Variants in GRID1 observed in about 807,000 individuals in gnomAD.
GRID1 encodes glutamate ionotropic receptor delta type subunit 1.
Under a neutral mutation model 98.0 loss-of-function variants are expected in GRID1, and 28 were observed. The ratio of observed to expected loss-of-function variants is 0.29; its 90% CI spans 0.21 to 0.39. The LOEUF (loss-of-function observed/expected upper bound fraction) is 0.39, where lower values mean the gene tolerates loss of function less well. Among genes scored for constraint, GRID1 ranks in the 10% least tolerant of loss-of-function variants. The pLI is 1.00. For synonymous variants in GRID1, 553 were observed against 538.5 expected (o/e 1.03, Z -0.37); for missense variants, 1,111 against 1,340.5 (o/e 0.83, Z 2.67).
At chr10:85,685,649 T>A (rs1010822154) in intron 12 of GRID1, among the ~76,000 whole-genome samples, 3 of 152,108 alleles carry the variant, frequency 2.0e-5, no homozygotes, top group Non-Finnish European at 4.4e-5. Flanking sequence ...TTACATAGAT[T>A]TACTAGGAAG....
At chr10:86,073,900 C>T (rs572761686) in intron 4 of GRID1, among the ~76,000 whole-genome samples, 33 of 152,212 alleles carry the variant, frequency 2.2e-4, no homozygotes, top group East Asian at 5.8e-4. Flanking sequence ...AGCAGACAGG[C>T]GCTCTGGTTT....
chr10:86,211,828 G>A (rs1459728394), intron 2 of GRID1, among the ~76,000 whole-genome samples: 2 of 152,228 alleles, frequency 1.3e-5, no homozygotes, highest in African/African-American at 2.4e-5. Context: ...GCTGCAAAGA[G>A]AAAGTGGCCA....
chr10:85,644,970 G>A (rs1843166792), intron 13 of GRID1, among the ~76,000 whole-genome samples: 1 of 152,172 alleles, frequency 6.6e-6, no homozygotes, highest in African/African-American at 2.4e-5. Flanking sequence ...GAAGGCCTGT[G>A]CAAGCCTCTT....
At chr10:85,661,972 T>C (rs1183907768) in intron 12 of GRID1, among the ~76,000 whole-genome samples, 1 of 152,320 alleles carries the variant, frequency 6.6e-6, no homozygotes, top group East Asian at 1.9e-4. Context: ...TCTAGACTAC[T>C]AGGTCTGCCA....
chr10:85,835,848 T>G (rs1327539542), intron 8 of GRID1, among the ~76,000 whole-genome samples: 1 of 152,154 alleles, frequency 6.6e-6, no homozygotes. Context: ...CTGATTATAA[T>G]GGAATCAGAC....
intron 4 of GRID1, among the ~76,000 whole-genome samples, chr10:86,085,993 C>T (rs1296827584): frequency 6.6e-6 from 1 of 152,142 alleles, no homozygotes; most frequent in Non-Finnish European, 1.5e-5. Flanking sequence ...TCCTCAAGCT[C>T]ACCAAACTCT....
chr10:85,908,774 T>C (rs1165848266), intron 5 of GRID1, among the ~76,000 whole-genome samples: 1 of 152,132 alleles, frequency 6.6e-6, no homozygotes, highest in African/African-American at 2.4e-5. Flanking sequence ...CAAAATGTAA[T>C]TTCAAATCGT....
chr10:86,363,700 AC>A (rs1201216002), intron 2 of GRID1, among the ~76,000 whole-genome samples: 2 of 152,024 alleles, frequency 1.3e-5, no homozygotes, highest in African/African-American at 4.8e-5. Flanking sequence ...GCGCCACGCA[AC>A]CCGCAAGAAC....
At chr10:86,126,996 C>A (rs901163757) in intron 4 of GRID1, among the ~76,000 whole-genome samples, 1 of 152,202 alleles carries the variant, frequency 6.6e-6, no homozygotes, top group Non-Finnish European at 1.5e-5. Context: ...CTTCTCTGAC[C>A]CTTTGATTGT....
chr10:86,094,427 T>G (rs1425993984), intron 4 of GRID1, among the ~76,000 whole-genome samples: 1 of 152,186 alleles, frequency 6.6e-6, no homozygotes, highest in African/African-American at 2.4e-5. Context: ...GCTGACAATA[T>G]GATCATTTAC....
intron 3 of GRID1, among the ~76,000 whole-genome samples, chr10:86,188,744 C>A (rs1292620616): frequency 1.3e-5 from 2 of 152,186 alleles, no homozygotes; most frequent in Non-Finnish European, 2.9e-5. Flanking sequence ...AAACAGAACC[C>A]CAAATGTGCT....
intron 4 of GRID1, among the ~76,000 whole-genome samples, chr10:86,122,975 A>G (rs369503556): frequency 3.3e-5 from 5 of 152,238 alleles, no homozygotes; most frequent in Non-Finnish European, 4.4e-5. Flanking sequence ...CTTCAGAGCC[A>G]TGGCAGCAGA....
Position 85,600,401 on chromosome 10 carries a change from C to T in GRID1, c.*1872G>A, listed in dbSNP as rs1424424810. On this transcript the variant is annotated 3_prime_UTR_variant, in exon 16 of 16. Coordinates refer to ENST00000327946, the MANE Select transcript of GRID1 (RefSeq NM_017551.3). ...CTTTTAGCTGACTGTGTGATTTGGC[C>T]GTTCTTTACTGCTCAATCATGTCAC... 6.6e-6 allele frequency: 1 copy of T among 152,170 alleles called. No individual in the cohort carries two copies. The highest frequency in any genetic ancestry group is 1.5e-5 in the Non-Finnish European group (1 of 68,028). The allele number at this position is 152,170 out of a possible 1,614,324, so 9.4% of individuals were successfully genotyped here.
intron 8 of GRID1, among the ~76,000 whole-genome samples, chr10:85,790,121 C>G (rs1189229913): frequency 6.6e-6 from 1 of 152,214 alleles, no homozygotes; most frequent in Admixed American, 6.5e-5. Context: ...CTGGGTCCAC[C>G]CACCTCTCCT....
intron 4 of GRID1, among the ~76,000 whole-genome samples, chr10:85,976,032 T>A (rs372090603): frequency 6.6e-6 from 1 of 152,182 alleles, no homozygotes; most frequent in Non-Finnish European, 1.5e-5. Context: ...TACCAGCTCA[T>A]CACGGGGTGG....
At chr10:85,702,491 G>T (rs1841462958) in intron 12 of GRID1, among the ~76,000 whole-genome samples, 3 of 151,956 alleles carry the variant, frequency 2.0e-5, no homozygotes, top group Non-Finnish European at 2.9e-5. Flanking sequence ...GCAAATAAAT[G>T]GGATATAAAT....
intron 4 of GRID1, among the ~76,000 whole-genome samples, chr10:85,974,026 T>C (rs1352811343): frequency 6.6e-6 from 1 of 152,196 alleles, no homozygotes; most frequent in Non-Finnish European, 1.5e-5. Context: ...ACACGTCCCA[T>C]TCTTGGGCTC....
At chr10:85,892,735 C>A (rs1451005801) in intron 5 of GRID1, among the ~76,000 whole-genome samples, 3 of 151,900 alleles carry the variant, frequency 2.0e-5, no homozygotes, top group African/African-American at 7.3e-5. Flanking sequence ...TTCAGAGGAA[C>A]CTTTTCAGAC....
intron 4 of GRID1, among the ~76,000 whole-genome samples, chr10:85,941,394 C>T (rs150005565): frequency 2.8e-4 from 43 of 152,270 alleles, no homozygotes; most frequent in South Asian, 2.1e-4. Flanking sequence ...AGAATATATA[C>T]ATGTTGAATA....
Sources: allele counts gnomAD v4.1 joint callset (sites outside exome capture counted in the v4.1 genomes callset), GRCh38; gene constraint gnomAD v4.1.1; transcripts MANE v1.5; gene names NCBI Gene and HGNC (gene_info 2026-07-23, HGNC 2026-07-21).